PRKX: variants seen among roughly 807,000 people sequenced by gnomAD.
The protein encoded by PRKX is cAMP-dependent protein kinase catalytic subunit PRKX.
Under a neutral mutation model 22.0 loss-of-function variants are expected in PRKX, and 12 were observed. That is an observed-to-expected ratio of 0.54 (90% CI 0.35 to 0.88). PRKX has a LOEUF of 0.88. Among genes scored for constraint, PRKX ranks in the 40% least tolerant of loss-of-function variants. The pLI, the probability that PRKX is intolerant of heterozygous loss-of-function variation, is 0.01. For synonymous variants in PRKX, 134 were observed against 137.7 expected, an observed-to-expected ratio of 0.97 and a Z score of 0.19; for missense variants, 217 against 308.0, an observed-to-expected ratio of 0.70 and a Z score of 2.21.
At chrX:3,617,847 C>T (rs1331815145) in intron 6 of PRKX, among the ~76,000 whole-genome samples, 2 of 109,957 alleles carry the variant, frequency 1.8e-5, no homozygotes, top group African/African-American at 3.3e-5. Context: ...CGCTGCCAGG[C>T]GTGTAACAGT....
chrX:3,616,995 C>T (rs1043628902), intron 6 of PRKX, among the ~76,000 whole-genome samples: 4 of 111,048 alleles, frequency 3.6e-5, no homozygotes, highest in African/African-American at 9.8e-5. Context: ...TACACACACA[C>T]ATACATATAT....
At chrX:3,611,738 A>G (rs1336126746) in intron 8 of PRKX, among the ~76,000 whole-genome samples, 1 of 111,903 alleles carries the variant, frequency 8.9e-6, no homozygotes, top group Non-Finnish European at 1.9e-5. Context: ...AGCTTAGCAA[A>G]TTTCCTATGA....
chrX:3,611,349 C>T (rs1326327495), intron 8 of PRKX: 1 of 111,572 alleles, frequency 9.0e-6, no homozygotes, highest in African/African-American at 3.3e-5. Flanking sequence ...AGGAAAATTA[C>T]GGGAATGGAA....
intron 1 of PRKX, among the ~76,000 whole-genome samples, chrX:3,705,881 G>A (rs1202654854): frequency 1.9e-5 from 2 of 105,823 alleles, no homozygotes; most frequent in Non-Finnish European, 3.9e-5. Context: ...TAGTAGAGAC[G>A]GGGTTTCACC....
chrX:3,644,810 A>C lies in PRKX; in HGVS notation c.600-2839T>G, dbSNP rs143230215. On this transcript the variant is annotated intron_variant, in intron 3 of 8. Coordinates refer to ENST00000262848, the MANE Select transcript of PRKX (RefSeq NM_005044.5). ...CCAAAGTGGCCTGAAAGTAGCTAAA[A>C]GCCTAGATCTTAGCTGATATGAAGC... Among the ~76,000 whole-genome samples the C allele has an allele frequency of 2.8e-4, 31 of 111,704 alleles. No individual in the cohort carries two copies. In the East Asian group the frequency reaches 8.4e-3, roughly 30 times the overall value.
intron 6 of PRKX, among the ~76,000 whole-genome samples, chrX:3,620,983 G>A (rs6641806): frequency 0.35 from 38,700 of 110,315 alleles, 5,466 homozygotes; most frequent in African/African-American, 0.54. Context: ...AATAACTTAT[G>A]CATTGTTATT....
intron 2 of PRKX, among the ~76,000 whole-genome samples, chrX:3,664,056 G>C (rs373804810): frequency 9.0e-6 from 1 of 111,508 alleles, no homozygotes; most frequent in Non-Finnish European, 1.9e-5. Context: ...ACACAGCCTT[G>C]CTCCTAGGGT....
intron 2 of PRKX, among the ~76,000 whole-genome samples, chrX:3,663,425 TAC>T (rs1181567509): frequency 9.8e-5 from 6 of 60,948 alleles, no homozygotes; most frequent in African/African-American, 3.4e-4. Flanking sequence ...ATCTTGTCCC[TAC>T]ACACACACAC....
At chrX:3,627,959 A>G (rs1296779554) in intron 4 of PRKX, among the ~76,000 whole-genome samples, 4 of 111,281 alleles carry the variant, frequency 3.6e-5, no homozygotes, top group Non-Finnish European at 7.5e-5. Flanking sequence ...TTACCACAGC[A>G]CCATTCACAA....
At chrX:3,609,142 G>A (rs1294763797) in intron 8 of PRKX, among the ~76,000 whole-genome samples, 197 bp from the exon 9 acceptor site, 2 of 111,525 alleles carry the variant, frequency 1.8e-5, no homozygotes, top group Non-Finnish European at 3.8e-5. Context: ...AATGAAGAAT[G>A]TTTTAAAGGT....
intron 3 of PRKX, among the ~76,000 whole-genome samples, chrX:3,653,829 TTA>T (rs767342635): frequency 2.2e-5 from 1 of 45,155 alleles, no homozygotes; most frequent in Non-Finnish European, 4.2e-5. Context: ...GATATATATA[TTA>T]TATATTATAT....
chrX:3,670,373 A>G (rs370815524), intron 2 of PRKX, among the ~76,000 whole-genome samples: 99 of 112,004 alleles, frequency 8.8e-4, no homozygotes, highest in African/African-American at 3.2e-3. Flanking sequence ...GCACTGGATC[A>G]ACTTTAATCC....
At chrX:3,667,772 G>A (rs1174987611) in intron 2 of PRKX, among the ~76,000 whole-genome samples, 1 of 110,388 alleles carries the variant, frequency 9.1e-6, no homozygotes, top group Non-Finnish European at 1.9e-5. Context: ...CTGCATTCCT[G>A]TGTCCACCTC....
chrX:3,664,580 T>C (rs779789608), intron 2 of PRKX, among the ~76,000 whole-genome samples: 1 of 112,344 alleles, frequency 8.9e-6, no homozygotes, highest in Non-Finnish European at 1.9e-5. Flanking sequence ...GATGACTGGA[T>C]AAAGAAAATT....
Position 3,626,424 on chromosome X carries a change from A to G in PRKX, c.810T>C (p.His270=). Residue 270 remains histidine (H), a synonymous_variant, in exon 5 of 9, where the codon CAT becomes CAC. Transcript: ENST00000262848. ...KIDFPRHLDF[H]VKDLIKKLLV... ...GAGGCAAACGGTTTACTTACTTTAC[A>G]TGGAAATCCAAATGTCTGGGGAAAT... The G allele has an allele frequency of 1.7e-6, 2 of 1,202,859 alleles. No individual in the cohort carries two copies. Among genetic ancestry groups the G allele is most frequent in the Non-Finnish European group, 2.3e-6 (2 of 887,445 alleles).
chrX:3,667,856 T>C (rs1322855797), intron 2 of PRKX: 1 of 110,538 alleles, frequency 9.0e-6, no homozygotes, highest in African/African-American at 3.3e-5. Flanking sequence ...TCCGTGTCAC[T>C]CCCTGTCTAG....
intron 5 of PRKX, among the ~76,000 whole-genome samples, chrX:3,625,862 C>T (rs1926650560): frequency 8.9e-6 from 1 of 111,815 alleles, no homozygotes; most frequent in Non-Finnish European, 1.9e-5. Flanking sequence ...TGAGCCACCA[C>T]GCCCAGCCGC....
At chrX:3,666,735 C>G (rs1242605618) in intron 2 of PRKX, among the ~76,000 whole-genome samples, 3 of 109,624 alleles carry the variant, frequency 2.7e-5, no homozygotes, top group Non-Finnish European at 5.7e-5. Flanking sequence ...CAGCGAGACC[C>G]TGTCTCTACC....
At position 3,605,012 on chromosome X, in the gene PRKX, GACACACACACACACACACACACAC is replaced by G. The variant is rs745485596; in HGVS notation, c.*3933_*3956del. On this transcript the variant is annotated 3_prime_UTR_variant, in exon 9 of 9. Transcript: ENST00000262848. ...AAATACAGCCCCTCACCTTCACCAAGACACACACACACACACACACACACACACACACACACACACACACACACC... is the reference window on the plus strand; with the variant it reads ...AAATACAGCCCCTCACCTTCACCAAGACACACACACACACACACACACACC... 11 of 84,556 alleles carry G rather than the reference GACACACACACACACACACACACAC, an allele frequency of 1.3e-4. No homozygotes were observed. The highest frequency in any genetic ancestry group is 2.2e-4 in the African/African-American group (5 of 22,509). 7.0% of individuals were successfully genotyped at this position (84,556 alleles called of 1,213,427 possible).
Sources: gnomAD v4.1 joint callset for allele counts (sites outside exome capture counted in the v4.1 genomes callset) on GRCh38, gnomAD v4.1.1 for gene constraint, MANE v1.5 for transcripts, NCBI Gene and HGNC (gene_info 2026-07-23, HGNC 2026-07-21) for gene names.